Variants in COLGALT2 observed in about 807,000 individuals in gnomAD.
COLGALT2 encodes procollagen galactosyltransferase 2.
In COLGALT2, 49 loss-of-function variants were observed where a neutral mutation model predicts 73.4. The observed-to-expected ratio is 0.67, with a 90% CI of 0.53 to 0.85. COLGALT2 has a LOEUF of 0.85. COLGALT2 is among the 40% of genes least tolerant of loss of function. COLGALT2 has a pLI of 0.00. For missense variants in COLGALT2, 722 were observed against 790.2 expected (o/e 0.91, Z 1.03); for synonymous variants, 295 against 307.6 (o/e 0.96, Z 0.43).
chr1:183,937,025 T>C lies in COLGALT2; in HGVS notation c.*1736A>G. The C allele has an allele frequency of 8.1e-7, 1 of 1,231,760 alleles. No individual in the cohort carries two copies. Among genetic ancestry groups the C allele is most frequent in the Admixed American group, 4.2e-5 (1 of 23,726 alleles). 76.3% of individuals were successfully genotyped at this position (1,231,760 alleles called of 1,614,324 possible). On this transcript the variant is annotated 3_prime_UTR_variant, in exon 12 of 12. Coordinates refer to ENST00000361927, the MANE Select transcript of COLGALT2 (RefSeq NM_015101.4). The stretch of plus-strand genomic sequence containing the variant: ...ATCACTTTCTCTAGACTCTGAGCCA[T>C]GCTGTTCAACCTTAATGTGGCAATC...
intron 1 of COLGALT2, among the ~76,000 whole-genome samples, chr1:183,983,538 T>G (rs902301723): frequency 6.6e-6 from 1 of 152,224 alleles, no homozygotes; most frequent in African/African-American, 2.4e-5. Context: ...ATGCAAGCTT[T>G]CTGGAGGAAA....
intron 1 of COLGALT2, among the ~76,000 whole-genome samples, chr1:184,034,740 C>T (rs192277542): frequency 3.9e-5 from 6 of 152,236 alleles, no homozygotes; most frequent in East Asian, 3.9e-4. Context: ...AGAAGAACCA[C>T]GAGCTCTTAT....
intron 1 of COLGALT2, among the ~76,000 whole-genome samples, chr1:184,023,182 C>T (rs74132764): frequency 0.033 from 5,037 of 152,246 alleles, 268 homozygotes; most frequent in African/African-American, 0.11. Context: ...TTGATTTTGA[C>T]TTTTCTGTAG....
chr1:183,938,175 CTA>C lies in COLGALT2; in HGVS notation c.*584_*585del, dbSNP rs1222529081. Reference sequence around the variant, plus strand: ...CTCAGTCGGACCCAAATACCCACCCCTACTGGATAACAGGGACTAAGATTTTT... The same window carrying C: ...CTCAGTCGGACCCAAATACCCACCCCCTGGATAACAGGGACTAAGATTTTT... On this transcript the variant is annotated 3_prime_UTR_variant, in exon 12 of 12. Transcript: ENST00000361927. The C allele has an allele frequency of 1.0e-6, 1 of 986,010 alleles. No individual in the cohort carries two copies. Among genetic ancestry groups the C allele is most frequent in the Non-Finnish European group, 1.2e-6 (1 of 830,822 alleles). The allele number at this position is 986,010 out of a possible 1,614,324, so 61.1% of individuals were successfully genotyped here. A position where few individuals can be genotyped will look rare whatever the true frequency, so the allele number is the denominator to read the frequency against.
At position 183,938,911 on chromosome 1, in the gene COLGALT2, G is replaced by A; in HGVS notation, c.1731C>T (p.Ile577=). Residue 577 remains isoleucine (I), a synonymous_variant, in exon 12 of 12, where the codon ATC becomes ATT. Coordinates refer to ENST00000361927, the MANE Select transcript of COLGALT2 (RefSeq NM_015101.4). ...GYLSDTETST[I]WDNETVATDW... Reference sequence around the variant, plus strand: ...CGGTGGCCACTGTCTCATTGTCCCAGATGGTGGAGGTCTCCGTGTCACTCA... The same window carrying A: ...CGGTGGCCACTGTCTCATTGTCCCAAATGGTGGAGGTCTCCGTGTCACTCA... The A allele has an allele frequency of 6.2e-7, 1 of 1,614,180 alleles. No homozygotes were observed. Among genetic ancestry groups the A allele is most frequent in the African/African-American group, 1.3e-5 (1 of 75,038 alleles).
chr1:184,011,219 G>C (rs555667216), intron 1 of COLGALT2, among the ~76,000 whole-genome samples: 1 of 152,176 alleles, frequency 6.6e-6, no homozygotes, highest in Non-Finnish European at 1.5e-5. Flanking sequence ...TTAAGACACT[G>C]TTCACAGCTG....
rs1197135803 is a variant in COLGALT2 at position 183,945,456 on chromosome 1, G to A, written c.1245C>T (p.Leu415=). The part of the protein sequence containing the change: ...PLTRGEIGCF[L]SHYSVWKEVI... ...CCTCTTTCCAGACTGAGTAGTGGCT[G>A]AGAAAGCAGCCGATTTCACCCCTTG... The change falls in exon 9 of 12, where the codon CTC becomes CTT. Residue 415 remains leucine, a synonymous_variant. Transcript: ENST00000361927. 3.1e-6 allele frequency: 5 copies of A among 1,614,092 alleles called. No homozygotes were observed. The highest frequency in any genetic ancestry group is 1.3e-5 in the African/African-American group (1 of 74,942).
rs193243086 is a variant in COLGALT2, at chr1:183,979,170, T to C, written c.264-650A>G. On this transcript the variant is annotated intron_variant, in intron 1 of 11. Coordinates refer to ENST00000361927, the MANE Select transcript of COLGALT2 (RefSeq NM_015101.4). ...CACAAAACTTGTGCCTGTTCTACCC[T>C]GAAAGTTTAACAAATGGATCCACTT... Among the ~76,000 whole-genome samples, 231 of 152,296 alleles carry C rather than the reference T, an allele frequency of 1.5e-3. 1 individual carries two copies. Among genetic ancestry groups the C allele is most frequent in the South Asian group, 0.013 (64 of 4,830 alleles).
rs1669986203 is a variant in COLGALT2 at position 183,937,463 on chromosome 1, T to G, written c.*1298A>C. On this transcript the variant is annotated 3_prime_UTR_variant, in exon 12 of 12. Coordinates refer to ENST00000361927, the MANE Select transcript of COLGALT2 (RefSeq NM_015101.4). The stretch of plus-strand genomic sequence containing the variant: ...CAGAAAGGACTCTTAGGGGATATCT[T>G]TTGAGAAAGGGTGTCCGCCTGGGAT... 8.1e-6 allele frequency: 8 copies of G among 985,732 alleles called. No homozygotes were observed. The highest frequency in any genetic ancestry group is 9.6e-6 in the Non-Finnish European group (8 of 830,168). The allele number at this position is 985,732 out of a possible 1,614,324, so 61.1% of individuals were successfully genotyped here.
At chr1:183,995,534 T>A (rs977659356) in intron 1 of COLGALT2, among the ~76,000 whole-genome samples, 6 of 152,230 alleles carry the variant, frequency 3.9e-5, no homozygotes, top group African/African-American at 1.2e-4. Context: ...CAGGACATTC[T>A]GCCAGTGGAG....
rs150617278 is a variant in COLGALT2, at chr1:183,954,510, T to G, written c.1029+252A>C. On this transcript the variant is annotated intron_variant, in intron 7 of 11. Transcript: ENST00000361927. ...ATATCTGCTCCTAGAAAATATCAAA[T>G]TCACTTTCATTACTAAATGGTAATT... Among the ~76,000 whole-genome samples, 961 of 152,348 alleles carry G rather than the reference T, an allele frequency of 6.3e-3. 14 individuals carry two copies. The highest frequency in any genetic ancestry group is 0.022 in the African/African-American group (928 of 41,580).
Position 184,037,463 on chromosome 1 carries a change from CG to C in COLGALT2, c.-107del. 8.3e-7 allele frequency: 1 copy of C among 1,206,246 alleles called. No individual in the cohort carries two copies. Among genetic ancestry groups the C allele is most frequent in the Non-Finnish European group, 1.0e-6 (1 of 973,012 alleles). The allele number at this position is 1,206,246 out of a possible 1,614,324, so 74.7% of individuals were successfully genotyped here. On this transcript the variant is annotated 5_prime_UTR_variant, in exon 1 of 12. Transcript: ENST00000361927. ...GGAGCAAGGGGCTGCGAGGGGCGGC[CG>C]GGGGATGCGGCTTGCCGCGGCCGGC...
At chr1:183,946,561 T>C (rs1314561289) in intron 8 of COLGALT2, 2 of 152,226 alleles carry the variant, frequency 1.3e-5, no homozygotes, top group African/African-American at 4.8e-5. Flanking sequence ...GTGGTATCTA[T>C]AAGAGGCAGC....
At chr1:183,966,544 A>T (rs1406558830) in intron 5 of COLGALT2, among the ~76,000 whole-genome samples, 1 of 152,242 alleles carries the variant, frequency 6.6e-6, no homozygotes, top group Non-Finnish European at 1.5e-5. Context: ...TTGGAAGCTC[A>T]GTTCCAAGAC....
At chr1:184,012,973 C>T (rs1648859273) in intron 1 of COLGALT2, among the ~76,000 whole-genome samples, 1 of 152,174 alleles carries the variant, frequency 6.6e-6, no homozygotes, top group Non-Finnish European at 1.5e-5. Flanking sequence ...GAAGCTGAGC[C>T]TAGGGGGCAG....
At chr1:183,983,378 A>AAAAACACAG (rs1241739075) in intron 1 of COLGALT2, among the ~76,000 whole-genome samples, 1 of 152,224 alleles carries the variant, frequency 6.6e-6, no homozygotes. Context: ...CAAAAAAGGC[A>AAAAACACAG]AAAACACAGA....
intron 1 of COLGALT2, among the ~76,000 whole-genome samples, chr1:184,020,066 T>C (rs1393646709): frequency 2.6e-5 from 4 of 152,222 alleles, no homozygotes; most frequent in African/African-American, 9.6e-5. Context: ...AAAGTCTTCA[T>C]TTATTGTCTA....
chr1:183,947,340 A>G (rs1161892424), intron 8 of COLGALT2, among the ~76,000 whole-genome samples: 1 of 152,230 alleles, frequency 6.6e-6, no homozygotes, highest in Non-Finnish European at 1.5e-5. Flanking sequence ...ACCATTTTTT[A>G]GACCATAAAG....
rs369027289 is a variant in COLGALT2 at position 183,962,209 on chromosome 1, G to T, written c.952+1692C>A. Among the ~76,000 whole-genome samples, 326 of 128,902 alleles carry T rather than the reference G, an allele frequency of 2.5e-3. 1 individual carries two copies. The highest frequency in any genetic ancestry group is 9.4e-3 in the African/African-American group (314 of 33,262). 84.6% of individuals were successfully genotyped at this position (128,902 alleles called of 152,430 possible). On this transcript the variant is annotated intron_variant, in intron 6 of 11. Coordinates refer to ENST00000361927, the MANE Select transcript of COLGALT2 (RefSeq NM_015101.4). ...GAGTCTCACTCTGTCACTCAGGCTGGAGTGCAATGGCGCGATCTTGGCTCA... is the reference window on the plus strand; with the variant it reads ...GAGTCTCACTCTGTCACTCAGGCTGTAGTGCAATGGCGCGATCTTGGCTCA...
Sources: allele counts gnomAD v4.1 joint callset (sites outside exome capture counted in the v4.1 genomes callset), GRCh38; gene constraint gnomAD v4.1.1; transcripts MANE v1.5; gene names NCBI Gene and HGNC (gene_info 2026-07-23, HGNC 2026-07-21).